Variants in ATAD1 observed in about 807,000 individuals in gnomAD.
ATAD1 encodes ATPase family AAA domain containing 1, also known as outer mitochondrial transmembrane helix translocase.
ATAD1 carries 18 observed loss-of-function variants against 42.7 expected under a neutral mutation model. That is an observed-to-expected ratio of 0.42 (90% CI 0.29 to 0.63). The LOEUF is 0.63. Ranked by LOEUF, ATAD1 falls within the 20% of genes least tolerant of loss-of-function variation. The probability of loss-of-function intolerance (pLI) is 0.19; values close to 1 mark genes in which losing one functional copy is unlikely to be tolerated. For synonymous variants in ATAD1, 132 were observed against 143.1 expected, an observed-to-expected ratio of 0.92 and a Z score of 0.55; for missense variants, 294 against 440.4, an observed-to-expected ratio of 0.67 and a Z score of 2.98.
At chr10:87,818,269 C>T (rs897637114), upstream of ATAD1, 1 of 985,378 alleles carries the variant, frequency 1.0e-6, no homozygotes, top group African/African-American at 1.7e-5. Flanking sequence ...CGGCGCACTC[C>T]CTCCCACGGA....
chr10:87,772,837 T>G (rs937628569), intron 6 of ATAD1, among the ~76,000 whole-genome samples: 1 of 152,228 alleles, frequency 6.6e-6, no homozygotes, highest in African/African-American at 2.4e-5. Context: ...GAGAACCTTT[T>G]CATATATATT....
At chr10:87,830,172 A>G (rs1857802758) in intron 1 of ATAD1, among the ~76,000 whole-genome samples, 1 of 152,214 alleles carries the variant, frequency 6.6e-6, no homozygotes, top group Admixed American at 6.5e-5. Context: ...TGGGAAAGCA[A>G]ATGCAAGCAG....
At chr10:87,828,155 G>T (rs538448690) in intron 1 of ATAD1, among the ~76,000 whole-genome samples, 1 of 151,766 alleles carries the variant, frequency 6.6e-6, no homozygotes, top group Non-Finnish European at 1.5e-5. Flanking sequence ...GCAGAGATGG[G>T]GTCTCATTTT....
chr10:87,786,635 T>G (rs750876604), intron 4 of ATAD1, among the ~76,000 whole-genome samples: 2 of 152,218 alleles, frequency 1.3e-5, no homozygotes, highest in Admixed American at 1.3e-4. Context: ...AGTAGTTACA[T>G]AAGTGTGTTA....
chr10:87,784,729 T>C lies in ATAD1; in HGVS notation c.383-59A>G, dbSNP rs1855745288. The C allele has an allele frequency of 6.1e-6, 9 of 1,474,964 alleles. No homozygotes were observed. In the Admixed American group the frequency reaches 1.6e-4, roughly 26 times the overall value. The allele number at this position is 1,474,964 out of a possible 1,614,324, so 91.4% of individuals were successfully genotyped here. ...GGGATATTTGCTTCAATTTATATGA[T>C]AATCAATAGAATAGTAATTCCTTCC... is the stretch of plus-strand genomic sequence containing the variant. On this transcript the variant is annotated intron_variant, in intron 4 of 9. Transcript: ENST00000680024.
chr10:87,836,175 G>T (rs1010708632), intron 1 of ATAD1, among the ~76,000 whole-genome samples: 1 of 151,978 alleles, frequency 6.6e-6, no homozygotes, highest in African/African-American at 2.4e-5. Context: ...ACCAAGGCTG[G>T]AGAGCAGTGG....
At chr10:87,787,608 A>C (rs1205115218) in intron 4 of ATAD1, among the ~76,000 whole-genome samples, 1 of 151,976 alleles carries the variant, frequency 6.6e-6, no homozygotes, top group Non-Finnish European at 1.5e-5. Context: ...CTCTGTCTCC[A>C]AAAAAAAGGA....
intron 1 of ATAD1, among the ~76,000 whole-genome samples, chr10:87,827,206 T>C (rs1285363786): frequency 1.3e-5 from 2 of 152,242 alleles, no homozygotes; most frequent in African/African-American, 2.4e-5. Flanking sequence ...AATGTCATAA[T>C]GCTAAATATT....
intron 4 of ATAD1, among the ~76,000 whole-genome samples, chr10:87,785,703 T>A (rs1855793654): frequency 6.6e-6 from 1 of 151,154 alleles, no homozygotes; most frequent in Non-Finnish European, 1.5e-5. Flanking sequence ...TAATTTTGTA[T>A]GAAAATTCCC....
chr10:87,791,386 T>C (rs1002449044), intron 3 of ATAD1, among the ~76,000 whole-genome samples: 6 of 151,476 alleles, frequency 4.0e-5, no homozygotes, highest in Non-Finnish European at 5.9e-5. Context: ...TACTTTACAA[T>C]AGATTCATTT....
chr10:87,832,885 A>G (rs1857859380), intron 1 of ATAD1: 1 of 152,138 alleles, frequency 6.6e-6, no homozygotes, highest in South Asian at 2.1e-4. Context: ...TGATTGTGCT[A>G]CTATCAGCAT....
chr10:87,814,507 G>T lies in ATAD1; in HGVS notation c.93C>A (p.Tyr31Ter), dbSNP rs1200660267. Residue 31 changes from tyrosine (Y) to a stop codon, truncating the protein, a stop_gained, in exon 2 of 10, where the codon TAC (tyrosine) becomes TAA (stop). Transcript: ENST00000680024. LOFTEE classifies it high-confidence loss of function. ...CATCTACCATCCATTTGATAGTAAA[G>T]TATGTCACTGCACCAAATATTGTCA... ...FRLTIFGAVT[Y>*]FTIKWMVDAI... 6.2e-7 allele frequency: 1 copy of T among 1,611,746 alleles called. No homozygotes were observed. Among genetic ancestry groups the T allele is most frequent in the South Asian group, 1.1e-5 (1 of 90,810 alleles).
chr10:87,783,811 T>C (rs1307948112), intron 5 of ATAD1, among the ~76,000 whole-genome samples: 1 of 151,896 alleles, frequency 6.6e-6, no homozygotes, highest in Non-Finnish European at 1.5e-5. Flanking sequence ...TCATGTTATA[T>C]ATAATTTTTA....
At chr10:87,820,542 G>T (rs1857612909), upstream of ATAD1, among the ~76,000 whole-genome samples, 1 of 152,158 alleles carries the variant, frequency 6.6e-6, no homozygotes, top group Non-Finnish European at 1.5e-5. Context: ...ATGAAATGGA[G>T]TTCCCAGTAT....
At chr10:87,797,663 G>A (rs1004757833) in intron 2 of ATAD1, among the ~76,000 whole-genome samples, 14 of 152,098 alleles carry the variant, frequency 9.2e-5, no homozygotes, top group African/African-American at 3.4e-4. Flanking sequence ...CTTGTACCAC[G>A]AGAGGATTTG....
At chr10:87,819,927 C>T (rs1408487707), upstream of ATAD1, among the ~76,000 whole-genome samples, 2 of 152,054 alleles carry the variant, frequency 1.3e-5, no homozygotes, top group Admixed American at 6.5e-5. Flanking sequence ...GAATTGAATA[C>T]ACCCGTGCCT....
At chr10:87,759,840 C>T (rs1854400452) in intron 8 of ATAD1, 1 of 441,062 alleles carries the variant, frequency 2.3e-6, no homozygotes, top group Admixed American at 2.4e-5. Context: ...TTAAATAAAA[C>T]AATGTATAGC....
At chr10:87,819,376 T>C (rs571216931), upstream of ATAD1, 1 of 145,084 alleles carries the variant, frequency 6.9e-6, no homozygotes, top group Admixed American at 6.9e-5. Context: ...CGCTTGAGCG[T>C]GGGAGATCAC....
At chr10:87,757,007 T>A in intron 8 of ATAD1, 85 bp from the exon 9 acceptor site, 1 of 1,191,350 alleles carries the variant, frequency 8.4e-7, no homozygotes. Flanking sequence ...TAAAGAAAGT[T>A]AAGCATATTA....
Sources: allele counts gnomAD v4.1 joint callset (sites outside exome capture counted in the v4.1 genomes callset), GRCh38; gene constraint gnomAD v4.1.1; transcripts MANE v1.5; gene names NCBI Gene and HGNC (gene_info 2026-07-23, HGNC 2026-07-21).